Variants in ATOSA observed in about 807,000 individuals in gnomAD.
ATOSA encodes the protein atos homolog protein A.
At chr15:52,674,420 C>T in the ATOSA span, among the ~76,000 whole-genome samples, 1 of 152,260 alleles carries the variant, frequency 6.6e-6, no homozygotes, top group African/African-American at 2.4e-5. Context: ...GAACCAGGTC[C>T]AAACTTGTAC....
At chr15:52,661,930 C>CAA in the ATOSA span, among the ~76,000 whole-genome samples, 1 of 8,660 alleles carries the variant, frequency 1.2e-4, no homozygotes, top group African/African-American at 2.6e-4. Flanking sequence ...ACAAGCCAGG[C>CAA]CAAAAAAAAA....
At chr15:52,609,141 A>G in the ATOSA span, 2 of 1,613,574 alleles carry the variant, frequency 1.2e-6, no homozygotes. Context: ...GGATGATTTC[A>G]CTAGGATTGT....
the ATOSA span, among the ~76,000 whole-genome samples, chr15:52,616,783 G>C: frequency 2.0e-5 from 3 of 152,172 alleles, no homozygotes; most frequent in African/African-American, 7.2e-5. Flanking sequence ...CATGGGCATG[G>C]AACAGCAAAG....
chr15:52,598,562 G>A, the ATOSA span: 14 of 152,186 alleles, frequency 9.2e-5, no homozygotes, highest in Middle Eastern at 3.2e-3. Context: ...TCACTAAGCA[G>A]AGGAAATATC....
At chr15:52,611,044 A>C in the ATOSA span, 1 of 1,397,548 alleles carries the variant, frequency 7.2e-7, no homozygotes, top group Non-Finnish European at 9.6e-7. Flanking sequence ...TGCAGGAAAT[A>C]ATCTATTTAA....
chr15:52,700,116 T>C, the ATOSA span, among the ~76,000 whole-genome samples: 1 of 152,220 alleles, frequency 6.6e-6, no homozygotes, highest in African/African-American at 2.4e-5. Context: ...AGAAGGTAGA[T>C]GCTTATTCTC....
At chr15:52,611,278 T>C in the ATOSA span, 4 of 1,607,574 alleles carry the variant, frequency 2.5e-6, no homozygotes, top group Non-Finnish European at 3.4e-6. Context: ...CAAAGCATAA[T>C]TTAAATGTAG....
the ATOSA span, chr15:52,608,692 T>C: frequency 1.2e-5 from 19 of 1,612,670 alleles, no homozygotes; most frequent in African/African-American, 1.6e-4. Flanking sequence ...ATTTTTTAAT[T>C]GGTCTGACTT....
chr15:52,680,964 A>G, the ATOSA span, among the ~76,000 whole-genome samples: 1 of 152,250 alleles, frequency 6.6e-6, no homozygotes, highest in Non-Finnish European at 1.5e-5. Context: ...AATAACAGCT[A>G]TTGTAAAAGG....
the ATOSA span, among the ~76,000 whole-genome samples, chr15:52,707,165 G>T: frequency 6.6e-6 from 1 of 152,168 alleles, no homozygotes; most frequent in African/African-American, 2.4e-5. Flanking sequence ...CAACCATCAT[G>T]GTAAACATTG....
chr15:52,593,856 C>G, the ATOSA span: 1 of 981,578 alleles, frequency 1.0e-6, no homozygotes, highest in East Asian at 2.7e-5. Context: ...AAATATATTA[C>G]TATGCTTTCT....
the ATOSA span, among the ~76,000 whole-genome samples, chr15:52,605,997 G>C: frequency 5.9e-5 from 9 of 152,012 alleles, no homozygotes; most frequent in Non-Finnish European, 1.2e-4. Flanking sequence ...CATAATAAAA[G>C]TTATGTGAAT....
At chr15:52,664,571 T>C in the ATOSA span, among the ~76,000 whole-genome samples, 1 of 152,212 alleles carries the variant, frequency 6.6e-6, no homozygotes, top group East Asian at 1.9e-4. Flanking sequence ...GTCTGAACAA[T>C]GAGTTGTCCA....
the ATOSA span, among the ~76,000 whole-genome samples, chr15:52,706,317 A>G: frequency 6.6e-6 from 1 of 152,252 alleles, no homozygotes; most frequent in South Asian, 2.1e-4. Flanking sequence ...CAATTTGTGA[A>G]CACAGGATCT....
At chr15:52,656,085 G>A in the ATOSA span, 18 of 151,870 alleles carry the variant, frequency 1.2e-4, no homozygotes, top group African/African-American at 4.3e-4. Context: ...AATAACAATG[G>A]GAATGAGACA....
the ATOSA span, among the ~76,000 whole-genome samples, chr15:52,596,856 G>C: frequency 6.6e-6 from 1 of 152,120 alleles, no homozygotes; most frequent in South Asian, 2.1e-4. Flanking sequence ...TTTTACTCTT[G>C]TAAAGACACT....
chr15:52,646,744 C>T, the ATOSA span, among the ~76,000 whole-genome samples: 1 of 152,102 alleles, frequency 6.6e-6, no homozygotes, highest in Non-Finnish European at 1.5e-5. Context: ...CATACTCTGA[C>T]TATAAACAAA....
At chr15:52,582,087 C>A in the ATOSA span, 2 of 1,305,298 alleles carry the variant, frequency 1.5e-6, no homozygotes, top group South Asian at 3.3e-5. Flanking sequence ...TTGGTACACT[C>A]CATTCTATGC....
the ATOSA span, among the ~76,000 whole-genome samples, chr15:52,694,461 G>A: frequency 2.6e-5 from 4 of 151,984 alleles, no homozygotes; most frequent in Admixed American, 2.6e-4. Context: ...CACCGCACCC[G>A]GCCTGCTGAG....
Sources: allele counts gnomAD v4.1 joint callset (sites outside exome capture counted in the v4.1 genomes callset), GRCh38; gene constraint gnomAD v4.1.1; transcripts MANE v1.5; gene names NCBI Gene and HGNC (gene_info 2026-07-23, HGNC 2026-07-21).